Variants in GBF1 observed in about 807,000 individuals in gnomAD.
GBF1 encodes the protein golgi brefeldin A resistant guanine nucleotide exchange factor 1.
In GBF1, 114 loss-of-function variants were observed where a neutral mutation model predicts 210.5. The observed-to-expected ratio is 0.54, with a 90% CI of 0.47 to 0.63. The LOEUF (loss-of-function observed/expected upper bound fraction) is 0.63. Ranked by LOEUF, GBF1 falls within the 30% of genes least tolerant of loss-of-function variation. The pLI, the probability that GBF1 is intolerant of heterozygous loss-of-function variation, is 0.00. For missense variants in GBF1, 1,851 were observed against 2,357.7 expected, an observed-to-expected ratio of 0.79 and a Z score of 4.45; for synonymous variants, 850 against 889.2, an observed-to-expected ratio of 0.96 and a Z score of 0.78.
At chr10:102,243,028 C>G (rs1293287849), upstream of GBF1, among the ~76,000 whole-genome samples, 3 of 152,068 alleles carry the variant, frequency 2.0e-5, no homozygotes, top group South Asian at 2.1e-4. Flanking sequence ...TCCCATTGCC[C>G]TTAGGATAAA....
chr10:102,235,778 G>T, the GBF1 span, among the ~76,000 whole-genome samples: 1 of 152,194 alleles, frequency 6.6e-6, no homozygotes, highest in Non-Finnish European at 1.5e-5. Flanking sequence ...ATCCTCCAGT[G>T]AAGTGTTTCC....
intron 3 of GBF1, among the ~76,000 whole-genome samples, chr10:102,341,663 G>A (rs746699821): frequency 2.6e-5 from 4 of 152,232 alleles, no homozygotes; most frequent in Non-Finnish European, 5.9e-5. Context: ...CAGTCATCAT[G>A]TTGAATGAAG....
upstream of GBF1, among the ~76,000 whole-genome samples, chr10:102,242,695 G>A (rs1477985072): frequency 1.3e-5 from 2 of 152,126 alleles, no homozygotes; most frequent in Non-Finnish European, 2.9e-5. Context: ...TTGGGAGGCC[G>A]AGGCGGGCGG....
intron 3 of GBF1, among the ~76,000 whole-genome samples, chr10:102,318,126 G>T (rs955052551): frequency 6.6e-6 from 1 of 152,018 alleles, no homozygotes; most frequent in African/African-American, 2.4e-5. Context: ...TCGATCTCCT[G>T]ACCTTGTGAT....
rs147234372 is a variant in GBF1 at position 102,353,632 on chromosome 10, A to G, written c.617A>G (p.Tyr206Cys). ...LPQFKEEPKNYVGTNMKKLKM... is the reference protein window; with the variant it reads ...LPQFKEEPKNCVGTNMKKLKM... ...CAGTTTAAAGAAGAACCCAAGAACT[A>G]TGTGGGGACCAACATGAAGAAGGTA... Residue 206 changes from tyrosine (Y) to cysteine (C), a missense_variant, in exon 8 of 40, where the codon TAT (tyrosine) becomes TGT (cysteine). Tyr to Cys is a radical substitution (Grantham distance 194, BLOSUM62 -2). This residue lies in a region of GBF1 where 804 missense variants were observed against 958.6 expected (regional missense o/e 0.84). Coordinates refer to ENST00000369983, the MANE Select transcript of GBF1 (RefSeq NM_001377137.1). 6.2e-7 allele frequency: 1 copy of G among 1,610,494 alleles called. No individual in the cohort carries two copies. Among genetic ancestry groups the G allele is most frequent in the African/African-American group, 1.3e-5 (1 of 74,972 alleles).
chr10:102,366,835 C>G lies in GBF1; in HGVS notation c.2434-250C>G, dbSNP rs1163361808. On this transcript the variant is annotated intron_variant, in intron 19 of 39. Coordinates refer to ENST00000369983, the MANE Select transcript of GBF1 (RefSeq NM_001377137.1). This position sits in a 1 kb window ranked among gnomAD's most constrained non-coding sequence, Gnocchi z 4.0. ...TCCTGATCTCGGGTGATCCGCCCAC[C>G]TCGGCCTCCCTGAGTGCTGGGATTA... Among the ~76,000 whole-genome samples, 1 of 152,162 alleles carries G rather than the reference C, an allele frequency of 6.6e-6. No homozygotes were observed. The highest frequency in any genetic ancestry group is 1.5e-5 in the Non-Finnish European group (1 of 68,036).
the GBF1 span, chr10:102,231,583 C>T: frequency 6.3e-7 from 1 of 1,581,048 alleles, no homozygotes; most frequent in Non-Finnish European, 8.6e-7. Flanking sequence ...GTCTGGAGAG[C>T]ATACCCGCAC....
intron 29 of GBF1, 141 bp from the exon 30 acceptor site, chr10:102,375,218 A>G (rs1238843150): frequency 1.7e-6 from 1 of 577,356 alleles, no homozygotes; most frequent in Non-Finnish European, 3.1e-6. Flanking sequence ...AAAAAAAAAG[A>G]CCAGAGCAGT....
In GBF1 at chr10:102,380,664, C is replaced by A. The variant is rs771928515; in HGVS notation, c.5151C>A (p.Leu1717=). 7.8e-5 allele frequency: 126 copies of A among 1,611,976 alleles called. 1 individual carries two copies. Among genetic ancestry groups the A allele is most frequent in the Non-Finnish European group, 9.8e-5 (115 of 1,178,870 alleles). Residue 1717 remains leucine, a synonymous_variant, in exon 38 of 40, where the codon CTC becomes CTA. Coordinates refer to ENST00000369983, the MANE Select transcript of GBF1 (RefSeq NM_001377137.1). ...TTCTCCCTCACCTACGAGATGAACT[C>A]TTCAAGCAGACCGTCATCCAGGGTA... ...DCFLPHLRDE[L]FKQTVIQDPM... is the part of the protein sequence containing the mutation.
At position 102,370,191 on chromosome 10, in the gene GBF1, A is replaced by C; in HGVS notation, c.3357A>C (p.Lys1119Asn). The C allele has an allele frequency of 6.2e-7, 1 of 1,612,322 alleles. No individual in the cohort carries two copies. The highest frequency in any genetic ancestry group is 8.5e-7 in the Non-Finnish European group (1 of 1,178,376). The change falls in exon 27 of 40, where the codon AAA (lysine) becomes AAC (asparagine). Residue 1119 changes from lysine to asparagine, a missense_variant. Transcript: ENST00000369983. ...CTCTCTAGCAATGTGACCCAGAAAA[A>C]ATGATCACAGAAAGCAAGTTCCTCC... ...LECIKQCDPE[K>N]MITESKFLQL... is the part of the protein sequence containing the mutation.
rs151249559 is a variant in GBF1, at chr10:102,313,090, C to T, written c.164-30961C>T. Among the ~76,000 whole-genome samples the T allele has an allele frequency of 8.0e-4, 122 of 152,240 alleles. No homozygotes were observed. In the East Asian group the frequency reaches 0.021, roughly 26 times the overall value. ...CCAAGAAAGTAGTTCTGAATGGGAA[C>T]TCCAGAGGCCTAATCCAGATATAGC... is the stretch of plus-strand genomic sequence containing the variant. On this transcript the variant is annotated intron_variant, in intron 3 of 39. Coordinates refer to ENST00000369983, the MANE Select transcript of GBF1 (RefSeq NM_001377137.1).
At chr10:102,364,653 A>G (rs2059810406) in intron 17 of GBF1, among the ~76,000 whole-genome samples, 1 of 151,168 alleles carries the variant, frequency 6.6e-6, no homozygotes, top group South Asian at 2.1e-4. Flanking sequence ...GTTTGAGACC[A>G]GCCTGGCTAA....
intron 3 of GBF1, among the ~76,000 whole-genome samples, chr10:102,336,180 A>G (rs765780555): frequency 2.6e-5 from 4 of 151,956 alleles, no homozygotes; most frequent in Non-Finnish European, 5.9e-5. Flanking sequence ...ATGTGCCTGT[A>G]GTCCCAGCTA....
intron 3 of GBF1, among the ~76,000 whole-genome samples, chr10:102,285,467 T>C (rs572148460): frequency 2.0e-5 from 3 of 152,334 alleles, no homozygotes; most frequent in Admixed American, 1.3e-4. Context: ...AATGATACTA[T>C]GTACAGATAT....
chr10:102,333,249 C>T (rs2057465116), intron 3 of GBF1, among the ~76,000 whole-genome samples: 1 of 152,178 alleles, frequency 6.6e-6, no homozygotes, highest in African/African-American at 2.4e-5. Flanking sequence ...CTGGGTTTGA[C>T]CCTTAAGCCC....
chr10:102,366,292 A>G lies in GBF1; in HGVS notation c.2310-91A>G, dbSNP rs1191254602. Reference sequence around the variant, plus strand: ...TAGAGACCTCAGCCTCCTCTCTTCCAGTAAGAGTAGGTTAGGAGGACAGTG... The same window carrying G: ...TAGAGACCTCAGCCTCCTCTCTTCCGGTAAGAGTAGGTTAGGAGGACAGTG... On this transcript the variant is annotated intron_variant, in intron 18 of 39. Transcript: ENST00000369983. This position sits in a 1 kb window ranked among gnomAD's most constrained non-coding sequence, Gnocchi z 4.0. 2 of 1,397,896 alleles carry G rather than the reference A, an allele frequency of 1.4e-6. No homozygotes were observed. Among genetic ancestry groups the G allele is most frequent in the Non-Finnish European group, 2.0e-6 (2 of 995,514 alleles). 86.6% of individuals were successfully genotyped at this position (1,397,896 alleles called of 1,614,324 possible).
chr10:102,289,185 G>A (rs2133614393), intron 3 of GBF1, among the ~76,000 whole-genome samples: 1 of 152,068 alleles, frequency 6.6e-6, no homozygotes, highest in Middle Eastern at 3.4e-3. Context: ...CCACAGTGAT[G>A]AGGACTGCAC....
Position 102,380,490 on chromosome 10 carries a change from C to T in GBF1, c.4993-16C>T, listed in dbSNP as rs200514498. On this transcript the variant is annotated splice_polypyrimidine_tract_variant and intron_variant, in intron 37 of 39. Transcript: ENST00000369983. ...TGCCCTCTTTCCTATTCTCATGGTC[C>T]CACTGCCACCTGCAGTCAGAGGCGA... 1 of 1,609,044 alleles carries T rather than the reference C, an allele frequency of 6.2e-7. No individual in the cohort carries two copies. Among genetic ancestry groups the T allele is most frequent in the Non-Finnish European group, 8.5e-7 (1 of 1,176,510 alleles).
intron 3 of GBF1, among the ~76,000 whole-genome samples, chr10:102,301,455 C>T (rs1372530347): frequency 1.3e-5 from 2 of 152,222 alleles, no homozygotes; most frequent in African/African-American, 4.8e-5. Context: ...TCGACAAAAC[C>T]GCCATCGTCA....
Sources: allele counts gnomAD v4.1 joint callset (sites outside exome capture counted in the v4.1 genomes callset), GRCh38; gene constraint gnomAD v4.1.1; regional missense constraint gnomAD v4.1.1; non-coding constraint Gnocchi (gnomAD v3.1); transcripts MANE v1.5; gene names NCBI Gene and HGNC (gene_info 2026-07-23, HGNC 2026-07-21).